SLC39A14: variants seen among roughly 807,000 people sequenced by gnomAD.
SLC39A14 encodes solute carrier family 39 member 14, also known as metal cation symporter ZIP14.
A neutral mutation model predicts 45.5 loss-of-function variants in SLC39A14; 19 were observed. The observed-to-expected ratio is 0.42, with a 90% CI of 0.29 to 0.61. SLC39A14 has a LOEUF of 0.61. Among genes scored for constraint, SLC39A14 ranks in the 20% least tolerant of loss-of-function variants. The probability of loss-of-function intolerance (pLI) is 0.22; values close to 1 mark genes in which losing one functional copy is unlikely to be tolerated. For missense variants in SLC39A14, 447 were observed against 616.5 expected (o/e 0.73, Z 2.91); for synonymous variants, 264 against 251.3 (o/e 1.05, Z -0.48).
Position 22,417,687 on chromosome 8 carries a change from T to A in SLC39A14, c.1184T>A (p.Ile395Asn). 6.2e-7 allele frequency: 1 copy of A among 1,614,124 alleles called. No individual in the cohort carries two copies. The highest frequency in any genetic ancestry group is 8.5e-7 in the Non-Finnish European group (1 of 1,180,006). Residue 395 changes from isoleucine to asparagine, a missense_variant, in exon 8 of 9, where the codon ATC becomes AAC. Coordinates refer to ENST00000381237, the MANE Select transcript of SLC39A14 (RefSeq NM_001128431.4). ...FVILLNAGMS[I>N]QQALFFNFLS... ...ATCCTGCTCAACGCTGGGATGAGCA[T>A]CCAACAAGCTCTCTTCTTCAACTTC...
chr8:22,418,446 G>A (rs777994748), intron 8 of SLC39A14, among the ~76,000 whole-genome samples: 9 of 152,074 alleles, frequency 5.9e-5, no homozygotes, highest in African/African-American at 2.2e-4. Flanking sequence ...AGAAAATTAC[G>A]CATAATCATA....
intron 2 of SLC39A14, 21 bp from the exon 3 acceptor site, chr8:22,408,289 C>G (rs1425182643): frequency 1.9e-6 from 3 of 1,607,698 alleles, no homozygotes; most frequent in Non-Finnish European, 2.6e-6. Flanking sequence ...TAAGCGGCTT[C>G]CTGCCCTTCC....
In SLC39A14 at chr8:22,408,245, C is replaced by G. The variant is rs1563574448; in HGVS notation, c.271-65C>G. The G allele has an allele frequency of 3.5e-6, 5 of 1,432,038 alleles. No individual in the cohort carries two copies. In the East Asian group the frequency reaches 1.2e-4, roughly 33 times the overall value. 88.7% of individuals were successfully genotyped at this position (1,432,038 alleles called of 1,614,324 possible). ...TCCTCTGGGAAGGCTGAGTAGGTTG[C>G]TGTTTAGCAGGGCAAGGCCTGACCT... On this transcript the variant is annotated intron_variant, in intron 2 of 8. Transcript: ENST00000381237.
At chr8:22,370,855 TG>T (rs1002552078) in intron 1 of SLC39A14, among the ~76,000 whole-genome samples, 29 of 152,204 alleles carry the variant, frequency 1.9e-4, no homozygotes, top group Admixed American at 1.4e-3. Flanking sequence ...GTGTCTGCAG[TG>T]GGGCTTCTCT....
At chr8:22,371,747 CTT>C (rs1257184691) in intron 1 of SLC39A14, among the ~76,000 whole-genome samples, 15 of 113,182 alleles carry the variant, frequency 1.3e-4, no homozygotes, top group Admixed American at 2.8e-4. Context: ...TATCTTTTAT[CTT>C]TTTTTTTTTT....
At chr8:22,394,356 GCT>G (rs898206440) in intron 1 of SLC39A14, among the ~76,000 whole-genome samples, 5 of 131,278 alleles carry the variant, frequency 3.8e-5, no homozygotes, top group Non-Finnish European at 8.0e-5. Context: ...TTGGAATCTC[GCT>G]CTGTCACCCA....
At chr8:22,369,421 A>T (rs1372206428) in intron 1 of SLC39A14, among the ~76,000 whole-genome samples, 1 of 152,120 alleles carries the variant, frequency 6.6e-6, no homozygotes, top group Non-Finnish European at 1.5e-5. Context: ...CAGAGTAAGA[A>T]TTTTGGGCTC....
chr8:22,419,678 G>C lies in SLC39A14; in HGVS notation c.1459G>C (p.Gly487Arg). ...TIMVVLTMYSGQIQIG is the reference protein window; with the variant it reads ...TIMVVLTMYSRQIQIG Reference sequence around the variant, plus strand: ...CATGGTGGTCCTCACCATGTATTCAGGACAGATCCAGATTGGGTAGGGCTC... The same window carrying C: ...CATGGTGGTCCTCACCATGTATTCACGACAGATCCAGATTGGGTAGGGCTC... Residue 487 changes from glycine to arginine, a missense_variant, in exon 9 of 9, where the codon GGA (glycine) becomes CGA (arginine). Physicochemically the swap from Gly to Arg is moderately radical, Grantham distance 125 (BLOSUM62 -2). This residue lies in a region of SLC39A14 where 105 missense variants were observed against 188.4 expected (regional missense o/e 0.56). Transcript: ENST00000381237. 1 of 1,611,502 alleles carries C rather than the reference G, an allele frequency of 6.2e-7. No individual in the cohort carries two copies. Among genetic ancestry groups the C allele is most frequent in the Non-Finnish European group, 8.5e-7 (1 of 1,178,940 alleles).
At chr8:22,382,873 C>G (rs927768216) in intron 1 of SLC39A14, among the ~76,000 whole-genome samples, 1 of 151,522 alleles carries the variant, frequency 6.6e-6, no homozygotes, top group African/African-American at 2.4e-5. Context: ...TGCTACCATG[C>G]CCCCGCTAAT....
chr8:22,379,585 AGTCTCT>A (rs2132186473), intron 1 of SLC39A14: 1 of 152,378 alleles, frequency 6.6e-6, no homozygotes, highest in Non-Finnish European at 1.5e-5. Flanking sequence ...GTCAGCTCGC[AGTCTCT>A]GTCTTTGTGG....
Position 22,369,608 on chromosome 8 carries a change from G to A in SLC39A14, c.-16+2200G>A, listed in dbSNP as rs536972550. Among the ~76,000 whole-genome samples the A allele has an allele frequency of 4.6e-5, 7 of 152,352 alleles. No homozygotes were observed. The South Asian group carries it at 1.5e-3, about 32-fold the overall frequency. The stretch of plus-strand genomic sequence containing the variant: ...AACACAAGAGAAGCCTCCATACTGT[G>A]CACAGTTCAGTTCAGAGAGCGGGCA... On this transcript the variant is annotated intron_variant, in intron 1 of 8. Transcript: ENST00000381237.
chr8:22,426,936 T>C (rs968905389), downstream of SLC39A14, among the ~76,000 whole-genome samples: 9 of 151,810 alleles, frequency 5.9e-5, no homozygotes, highest in Non-Finnish European at 1.2e-4. Context: ...CCACCCACTA[T>C]GGCCTCCCAA....
In SLC39A14 at chr8:22,404,891, C is replaced by T. The variant is rs201320689; in HGVS notation, c.181C>T (p.Gln61Ter). 2 of 1,614,174 alleles carry T rather than the reference C, an allele frequency of 1.2e-6. No homozygotes were observed. The highest frequency in any genetic ancestry group is 1.7e-5 in the Admixed American group (1 of 60,028). Residue 61 changes from glutamine to a stop codon, truncating the protein, a stop_gained, in exon 2 of 9, where the codon CAG becomes TAG. Transcript: ENST00000381237. LOFTEE classifies it high-confidence loss of function. ...YGEGDSLTLQ[Q>*]LKALLNHLDV... ...CGAGGGTGACAGCCTCACTCTGCAG[C>T]AGCTGAAGGCCCTACTCAACCACCT...
At chr8:22,408,727 C>T (rs563262761) in intron 3 of SLC39A14, among the ~76,000 whole-genome samples, 1 of 152,110 alleles carries the variant, frequency 6.6e-6, no homozygotes, top group Non-Finnish European at 1.5e-5. Flanking sequence ...ATGTTCAGAG[C>T]GTTGGACTTC....
At chr8:22,394,644 G>C (rs1251425262) in intron 1 of SLC39A14, among the ~76,000 whole-genome samples, 1 of 152,102 alleles carries the variant, frequency 6.6e-6, no homozygotes, top group African/African-American at 2.4e-5. Flanking sequence ...CTTATAGGAA[G>C]GGTTTTAATG....
chr8:22,411,546 A>G (rs2132339690), intron 3 of SLC39A14, among the ~76,000 whole-genome samples: 1 of 152,366 alleles, frequency 6.6e-6, no homozygotes, highest in South Asian at 2.1e-4. Flanking sequence ...TGAATTGGAC[A>G]TGCAAAAGCA....
intron 8 of SLC39A14, among the ~76,000 whole-genome samples, chr8:22,418,327 TTA>T (rs1248357891): frequency 3.3e-5 from 5 of 152,314 alleles, no homozygotes; most frequent in African/African-American, 1.2e-4. Flanking sequence ...GAGGAAAAGT[TTA>T]TGTTTTTGTT....
Position 22,396,516 on chromosome 8 carries a change from AG to A in SLC39A14, c.-15-8179del, listed in dbSNP as rs1834452853. ...GAGAGAGAGAGGGAGAGAGAGAGAG[AG>A]AGAGAGAGAGAGAGAGGGGGGGGAG... On this transcript the variant is annotated intron_variant, in intron 1 of 8. Transcript: ENST00000381237. 2.6e-3 allele frequency among the ~76,000 whole-genome samples: 3 copies of A among 1,162 alleles called. 1 individual carries two copies. The highest frequency in any genetic ancestry group is 9.0e-3 in the Admixed American group (2 of 222). 0.8% of individuals were successfully genotyped at this position (1,162 alleles called of 152,430 possible).
At chr8:22,379,743 A>C (rs1563488830) in intron 1 of SLC39A14, among the ~76,000 whole-genome samples, 1 of 152,110 alleles carries the variant, frequency 6.6e-6, no homozygotes, top group African/African-American at 2.4e-5. Context: ...ATCCCGGCCA[A>C]CATGGTGAAA....
Sources: allele counts gnomAD v4.1 joint callset (sites outside exome capture counted in the v4.1 genomes callset), GRCh38; gene constraint gnomAD v4.1.1; regional missense constraint gnomAD v4.1.1; transcripts MANE v1.5; gene names NCBI Gene and HGNC (gene_info 2026-07-23, HGNC 2026-07-21).